The following BRINP3 variants were observed in gnomAD, a reference collection of about 807,000 sequenced individuals.
The protein encoded by BRINP3 is BMP/retinoic acid inducible neural specific 3.
Under a neutral mutation model 71.0 loss-of-function variants are expected in BRINP3, and 19 were observed. The observed-to-expected ratio is 0.27, with a 90% CI of 0.19 to 0.39. BRINP3 has a LOEUF of 0.39. BRINP3 is among the 10% of genes least tolerant of loss of function. BRINP3 has a pLI of 1.00. For synonymous variants in BRINP3, 380 were observed against 337.7 expected, an observed-to-expected ratio of 1.13 and a Z score of -1.37; for missense variants, 959 against 940.8, an observed-to-expected ratio of 1.02 and a Z score of -0.25.
Position 190,477,540 on chromosome 1 carries a change from G to A in BRINP3, c.-143C>T, listed in dbSNP as rs1013798268. The A allele has an allele frequency of 6.6e-6, 1 of 152,176 alleles. No individual in the cohort carries two copies. The highest frequency in any genetic ancestry group is 6.6e-5 in the Admixed American group (1 of 15,266). The allele number at this position is 152,176 out of a possible 1,614,324, so 9.4% of individuals were successfully genotyped here. On this transcript the variant is annotated 5_prime_UTR_variant, in exon 1 of 8. Transcript: ENST00000367462. ...TGATCTTCCAAATCAAGGTAAAGTA[G>A]TGAGCTGCAGGGTAGTAGGACTTTA...
intron 7 of BRINP3, among the ~76,000 whole-genome samples, chr1:190,130,834 C>T (rs1237065328): frequency 6.6e-6 from 1 of 151,840 alleles, no homozygotes; most frequent in Non-Finnish European, 1.5e-5. Context: ...CCTGCCCCTG[C>T]CCCTTTTACT....
intron 1 of BRINP3, among the ~76,000 whole-genome samples, chr1:190,463,863 C>T (rs989354789): frequency 1.3e-5 from 2 of 151,684 alleles, no homozygotes; most frequent in Non-Finnish European, 3.0e-5. Flanking sequence ...CTAAAATTTG[C>T]TACTGTATTT....
intron 2 of BRINP3, among the ~76,000 whole-genome samples, chr1:190,439,457 CA>C (rs1674675971): frequency 1.3e-5 from 2 of 151,638 alleles, no homozygotes; most frequent in Non-Finnish European, 3.0e-5. Context: ...CTTTAAAAAC[CA>C]GATCAAAATT....
At chr1:190,377,139 G>GT (rs1359484154) in intron 2 of BRINP3, among the ~76,000 whole-genome samples, 1 of 151,548 alleles carries the variant, frequency 6.6e-6, no homozygotes, top group Non-Finnish European at 1.5e-5. Context: ...ATATTATAAA[G>GT]TGCACCTCTA....
chr1:190,323,582 A>T (rs1035961545), intron 2 of BRINP3, among the ~76,000 whole-genome samples: 2 of 151,090 alleles, frequency 1.3e-5, no homozygotes, highest in African/African-American at 4.9e-5. Flanking sequence ...CCTCAGAAAC[A>T]TGCTTAAGAA....
intron 6 of BRINP3, among the ~76,000 whole-genome samples, chr1:190,199,880 A>G (rs1473418805): frequency 6.6e-6 from 1 of 152,004 alleles, no homozygotes; most frequent in Non-Finnish European, 1.5e-5. Flanking sequence ...ATGGCAAAAA[A>G]CAAAAATAAC....
chr1:190,263,956 T>C (rs1489547753), intron 4 of BRINP3, among the ~76,000 whole-genome samples: 1 of 152,188 alleles, frequency 6.6e-6, no homozygotes, highest in Admixed American at 6.5e-5. Flanking sequence ...AATACAACGT[T>C]ACATTTAATC....
At chr1:190,432,762 T>C (rs913901411) in intron 2 of BRINP3, among the ~76,000 whole-genome samples, 2 of 152,138 alleles carry the variant, frequency 1.3e-5, no homozygotes, top group Non-Finnish European at 2.9e-5. Flanking sequence ...GCATTTGCCA[T>C]TAGAACAAAC....
At chr1:190,357,049 T>C (rs957462813) in intron 2 of BRINP3, among the ~76,000 whole-genome samples, 3 of 151,984 alleles carry the variant, frequency 2.0e-5, no homozygotes, top group African/African-American at 7.3e-5. Context: ...CCACTTGGCA[T>C]ACTGATGTTC....
intron 6 of BRINP3, among the ~76,000 whole-genome samples, chr1:190,218,322 T>C (rs1157580576): frequency 6.6e-6 from 1 of 152,092 alleles, no homozygotes; most frequent in Non-Finnish European, 1.5e-5. Flanking sequence ...GCTTCTTTTG[T>C]TCAATGTGAT....
At chr1:190,193,708 T>C (rs1321710139) in intron 6 of BRINP3, among the ~76,000 whole-genome samples, 1 of 152,098 alleles carries the variant, frequency 6.6e-6, no homozygotes, top group African/African-American at 2.4e-5. Context: ...GAGCCTTTAC[T>C]TTAGAAAACT....
At chr1:190,413,767 A>G (rs1672837716) in intron 2 of BRINP3, among the ~76,000 whole-genome samples, 1 of 152,170 alleles carries the variant, frequency 6.6e-6, no homozygotes, top group Non-Finnish European at 1.5e-5. Flanking sequence ...TTTTCGTACT[A>G]TGTTACAGCA....
intron 2 of BRINP3, among the ~76,000 whole-genome samples, chr1:190,434,909 C>A (rs1168674520): frequency 6.6e-6 from 1 of 152,122 alleles, no homozygotes; most frequent in Non-Finnish European, 1.5e-5. Context: ...TGTAAAAATT[C>A]TAAATCTTCT....
Position 190,454,912 on chromosome 1 carries a change from C to T in BRINP3, c.-22G>A. ...TCATGCTTCCACTGGGGATTTAGAGCCTTCATTCTCTCAGCTTTCCCTCAA... is the reference window on the plus strand; with the variant it reads ...TCATGCTTCCACTGGGGATTTAGAGTCTTCATTCTCTCAGCTTTCCCTCAA... On this transcript the variant is annotated 5_prime_UTR_variant, in exon 2 of 8. Coordinates refer to ENST00000367462, the MANE Select transcript of BRINP3 (RefSeq NM_199051.3). The T allele has an allele frequency of 6.3e-7, 1 of 1,590,372 alleles. No individual in the cohort carries two copies. The highest frequency in any genetic ancestry group is 1.7e-4 in the Middle Eastern group (1 of 6,006).
intron 4 of BRINP3, among the ~76,000 whole-genome samples, chr1:190,263,375 G>C (rs1013652860): frequency 1.3e-5 from 2 of 151,958 alleles, no homozygotes; most frequent in Admixed American, 6.6e-5. Flanking sequence ...TAACTATATT[G>C]CATGATTTGT....
intron 7 of BRINP3, among the ~76,000 whole-genome samples, chr1:190,144,630 G>C (rs1224589236): frequency 6.6e-6 from 1 of 151,720 alleles, no homozygotes; most frequent in Non-Finnish European, 1.5e-5. Flanking sequence ...ATAGTTTCTT[G>C]TTGCCTGGAA....
intron 2 of BRINP3, among the ~76,000 whole-genome samples, chr1:190,338,145 T>A (rs1164564104): frequency 6.6e-6 from 1 of 152,088 alleles, no homozygotes; most frequent in Non-Finnish European, 1.5e-5. Context: ...TTTAGTAACT[T>A]AAGCAATTGA....
intron 7 of BRINP3, among the ~76,000 whole-genome samples, chr1:190,152,332 A>G (rs1181140107): frequency 6.6e-6 from 1 of 151,950 alleles, no homozygotes; most frequent in Admixed American, 6.6e-5. Flanking sequence ...CTAGATACCA[A>G]TCTCAAGCAA....
intron 6 of BRINP3, among the ~76,000 whole-genome samples, chr1:190,178,301 T>C (rs866081037): frequency 6.6e-6 from 1 of 152,186 alleles, no homozygotes; most frequent in African/African-American, 2.4e-5. Flanking sequence ...GGATTTATTA[T>C]ATTTATATTT....
Sources: allele counts gnomAD v4.1 joint callset (sites outside exome capture counted in the v4.1 genomes callset), GRCh38; gene constraint gnomAD v4.1.1; transcripts MANE v1.5; gene names NCBI Gene and HGNC (gene_info 2026-07-23, HGNC 2026-07-21).